The following EDA variants were observed in gnomAD, a reference collection of about 807,000 sequenced individuals.
EDA encodes the protein ectodysplasin A.
Under a neutral mutation model 23.6 loss-of-function variants are expected in EDA, and 2 were observed. That is an observed-to-expected ratio of 0.08 (90% CI 0.03 to 0.27). The LOEUF (loss-of-function observed/expected upper bound fraction) is 0.27, where lower values mean the gene tolerates loss of function less well. EDA is among the 10% of genes least tolerant of loss of function. The probability of loss-of-function intolerance (pLI) is 1.00; values close to 1 mark genes in which losing one functional copy is unlikely to be tolerated. For missense variants in EDA, 229 were observed against 324.2 expected (o/e 0.71, Z 2.26); for synonymous variants, 131 against 132.0 (o/e 0.99, Z 0.05).
intron 1 of EDA, among the ~76,000 whole-genome samples, chrX:69,653,104 C>T (rs1045179805): frequency 8.9e-5 from 10 of 111,970 alleles, no homozygotes; most frequent in African/African-American, 3.2e-4. Context: ...TCTACCTACC[C>T]ATGAGCATGG....
chrX:69,891,669 A>G (rs980875398), intron 1 of EDA, among the ~76,000 whole-genome samples: 5 of 111,361 alleles, frequency 4.5e-5, no homozygotes, highest in African/African-American at 1.3e-4. Flanking sequence ...GGAACAGAAA[A>G]CCAAGTACCA....
chrX:69,734,827 C>T (rs1211384961), intron 1 of EDA, among the ~76,000 whole-genome samples: 2 of 111,578 alleles, frequency 1.8e-5, no homozygotes, highest in African/African-American at 6.5e-5. Flanking sequence ...AACTTTGTCA[C>T]ACCCATTAGG....
intron 1 of EDA, among the ~76,000 whole-genome samples, chrX:69,716,878 G>T (rs1293725095): frequency 2.7e-5 from 3 of 111,009 alleles, no homozygotes; most frequent in Non-Finnish European, 5.6e-5. Flanking sequence ...GGCTATTGTT[G>T]ATGTATAGGA....
chrX:69,781,581 A>G (rs2014945561), intron 1 of EDA, among the ~76,000 whole-genome samples: 1 of 111,792 alleles, frequency 8.9e-6, no homozygotes, highest in Admixed American at 9.6e-5. Flanking sequence ...TTGCTGCTAG[A>G]GGTATTGTTA....
chrX:69,834,650 G>A lies in EDA; in HGVS notation c.397-122377G>A, dbSNP rs760504204. Among the ~76,000 whole-genome samples, 5 of 109,973 alleles carry A rather than the reference G, an allele frequency of 4.5e-5. No homozygotes were observed. The East Asian group carries it at 1.1e-3, about 25-fold the overall frequency. On this transcript the variant is annotated intron_variant, in intron 1 of 7. Transcript: ENST00000374552. The stretch of plus-strand genomic sequence containing the variant: ...TCTGCTGAACATAGCCCACGGATGG[G>A]TCTTGACTCTTTATCCAATTTGCCA...
chrX:69,976,769 G>C (rs772664824), intron 2 of EDA, among the ~76,000 whole-genome samples: 3 of 109,247 alleles, frequency 2.7e-5, no homozygotes, highest in Non-Finnish European at 5.7e-5. Context: ...ACAGGGGGAG[G>C]GGGGGTGGAA....
intron 2 of EDA, among the ~76,000 whole-genome samples, chrX:70,010,522 G>C (rs1044194533): frequency 9.0e-6 from 1 of 111,403 alleles, no homozygotes; most frequent in African/African-American, 3.3e-5. Context: ...TTTTTTTATA[G>C]ACAACATATA....
intron 1 of EDA, among the ~76,000 whole-genome samples, chrX:69,681,348 C>G (rs1602288647): frequency 1.8e-5 from 2 of 109,493 alleles, no homozygotes; most frequent in Admixed American, 2.0e-4. Context: ...CTCTGTATTT[C>G]CTGAATCTGA....
intron 5 of EDA, 49 bp downstream of exon 5, chrX:70,029,587 T>C (rs202225741): frequency 8.7e-7 from 1 of 1,143,785 alleles, no homozygotes; most frequent in African/African-American, 1.8e-5. Flanking sequence ...AGCCACAGGC[T>C]AGAGCCACCT....
At chrX:69,839,735 T>G (rs911993661) in intron 1 of EDA, among the ~76,000 whole-genome samples, 8 of 111,800 alleles carry the variant, frequency 7.2e-5, no homozygotes, top group Non-Finnish European at 1.3e-4. Context: ...GGAAGCCAAC[T>G]CTGGCATCGA....
intron 1 of EDA, among the ~76,000 whole-genome samples, chrX:69,782,770 G>A (rs1021490294): frequency 9.0e-6 from 1 of 111,647 alleles, no homozygotes; most frequent in Non-Finnish European, 1.9e-5. Context: ...ACTGGGAGAC[G>A]GAATAACTTG....
intron 1 of EDA, among the ~76,000 whole-genome samples, chrX:69,923,811 C>T (rs964295986): frequency 8.9e-6 from 1 of 111,785 alleles, no homozygotes; most frequent in Non-Finnish European, 1.9e-5. Flanking sequence ...ATTCCTATTT[C>T]TCCACAGCCT....
At chrX:69,671,863 C>CT (rs1264428270) in intron 1 of EDA, among the ~76,000 whole-genome samples, 82 of 112,082 alleles carry the variant, frequency 7.3e-4, no homozygotes, top group African/African-American at 2.5e-3. Context: ...TAATGTCATT[C>CT]TTTTTTTCCT....
intron 7 of EDA, among the ~76,000 whole-genome samples, chrX:70,033,760 CTG>C (rs1440159431): frequency 9.0e-6 from 1 of 110,982 alleles, no homozygotes; most frequent in Admixed American, 9.6e-5. Context: ...TATTGAAAAA[CTG>C]TGAAAAAGAC....
rs376347997 is a variant in EDA, at chrX:69,877,838, G to A, written c.397-79189G>A. ...TTTGATTTATTTTGGGTTAATTTTTGTATATGGTGCAAAGCATGAGCTGAG... is the reference window on the plus strand; with the variant it reads ...TTTGATTTATTTTGGGTTAATTTTTATATATGGTGCAAAGCATGAGCTGAG... On this transcript the variant is annotated intron_variant, in intron 1 of 7. Transcript: ENST00000374552. Among the ~76,000 whole-genome samples the A allele has an allele frequency of 2.6e-4, 29 of 112,553 alleles. No homozygotes were observed. The East Asian group carries it at 7.8e-3, about 30-fold the overall frequency.
At chrX:70,000,483 C>A (rs2019725417) in intron 2 of EDA, among the ~76,000 whole-genome samples, 1 of 112,342 alleles carries the variant, frequency 8.9e-6, no homozygotes, top group Admixed American at 9.4e-5. Context: ...AAAGAACTTT[C>A]TACAGGCAGT....
chrX:69,710,625 A>G (rs1602321020), intron 1 of EDA, among the ~76,000 whole-genome samples: 1 of 112,078 alleles, frequency 8.9e-6, no homozygotes, highest in Non-Finnish European at 1.9e-5. Flanking sequence ...ACCCATGAGC[A>G]TGGAATGTTC....
At chrX:69,830,872 G>A (rs956148462) in intron 1 of EDA, among the ~76,000 whole-genome samples, 6 of 111,733 alleles carry the variant, frequency 5.4e-5, no homozygotes, top group Non-Finnish European at 1.1e-4. Context: ...GAACCCTAGT[G>A]TAACAAAAGA....
chrX:69,725,983 G>T (rs1284620312), intron 1 of EDA, among the ~76,000 whole-genome samples: 1 of 111,802 alleles, frequency 8.9e-6, no homozygotes, highest in Non-Finnish European at 1.9e-5. Context: ...AAGCCAAACT[G>T]AAAGTGGTAA....
Sources: gnomAD v4.1 joint callset for allele counts (sites outside exome capture counted in the v4.1 genomes callset) on GRCh38, gnomAD v4.1.1 for gene constraint, MANE v1.5 for transcripts, NCBI Gene and HGNC (gene_info 2026-07-23, HGNC 2026-07-21) for gene names.